The following STAU2 variants were observed in gnomAD, a reference collection of about 807,000 sequenced individuals.
STAU2 encodes double-stranded RNA-binding protein Staufen homolog 2.
STAU2 carries 20 observed loss-of-function variants against 65.9 expected under a neutral mutation model. The ratio of observed to expected loss-of-function variants is 0.30; its 90% CI spans 0.21 to 0.44. The LOEUF (loss-of-function observed/expected upper bound fraction) is 0.44, where lower values mean the gene tolerates loss of function less well. Ranked by LOEUF, STAU2 falls within the 20% of genes least tolerant of loss-of-function variation. STAU2 has a pLI of 1.00. For missense variants in STAU2, 558 were observed against 683.9 expected (o/e 0.82, Z 2.05); for synonymous variants, 232 against 233.9 (o/e 0.99, Z 0.07).
chr8:73,452,071 G>C (rs1176728050), intron 13 of STAU2, among the ~76,000 whole-genome samples: 2 of 152,190 alleles, frequency 1.3e-5, no homozygotes, highest in Non-Finnish European at 2.9e-5. Context: ...CCAGGACCAG[G>C]GCAGACACGG....
rs569948308 is a variant in STAU2, at chr8:73,507,776, T to C, written c.1530+44236A>G. On this transcript the variant is annotated intron_variant, in intron 13 of 14. Transcript: ENST00000524300. ...CCACTGAAAACCTGTTTAGTGTAAC[T>C]ACAGTCTTCAATGATCTTAGCCAGA... Among the ~76,000 whole-genome samples the C allele has an allele frequency of 3.7e-4, 57 of 152,338 alleles. 1 individual carries two copies. The highest frequency in any genetic ancestry group is 6.8e-3 in the Middle Eastern group (2 of 294).
At chr8:73,644,634 A>G (rs1242412275) in intron 6 of STAU2, among the ~76,000 whole-genome samples, 1 of 152,194 alleles carries the variant, frequency 6.6e-6, no homozygotes, top group African/African-American at 2.4e-5. Flanking sequence ...GAAAAAAACT[A>G]TACATAAAAG....
At position 73,728,527 on chromosome 8, in the gene STAU2, T is replaced by C. The variant is rs552069045; in HGVS notation, c.-18+9757A>G. ...ATTGCATTGAATCTGGAGATTGCTT[T>C]GGACAGTATTGCCATCCTAACGGCA... On this transcript the variant is annotated intron_variant, in intron 3 of 14. Coordinates refer to ENST00000524300, the MANE Select transcript of STAU2 (RefSeq NM_001164380.2). Among the ~76,000 whole-genome samples, 28 of 152,170 alleles carry C rather than the reference T, an allele frequency of 1.8e-4. No individual in the cohort carries two copies. The East Asian group carries it at 5.2e-3, about 28-fold the overall frequency.
chr8:73,516,187 A>G (rs4738380), intron 13 of STAU2, among the ~76,000 whole-genome samples: 133,649 of 151,886 alleles, frequency 0.88, 59,392 homozygotes, highest in Middle Eastern at 0.94. Flanking sequence ...CAGTCTGCCC[A>G]CCTTGGCCTC....
intron 13 of STAU2, among the ~76,000 whole-genome samples, chr8:73,520,506 C>T (rs79601955): frequency 7.9e-5 from 12 of 152,160 alleles, no homozygotes; most frequent in Admixed American, 2.6e-4. Flanking sequence ...GTAGTCCTTG[C>T]GGTTGATTCC....
intron 13 of STAU2, among the ~76,000 whole-genome samples, chr8:73,432,204 T>C (rs1002964307): frequency 4.6e-5 from 7 of 152,248 alleles, no homozygotes; most frequent in African/African-American, 1.7e-4. Flanking sequence ...GAAAAGCTTG[T>C]TCATGTTGAA....
At chr8:73,625,636 T>A (rs1813581920) in intron 6 of STAU2, among the ~76,000 whole-genome samples, 1 of 152,240 alleles carries the variant, frequency 6.6e-6, no homozygotes, top group African/African-American at 2.4e-5. Context: ...CGGTGATGGC[T>A]GTACAACACT....
At chr8:73,691,299 A>G (rs372107935) in intron 4 of STAU2, among the ~76,000 whole-genome samples, 50 of 152,334 alleles carry the variant, frequency 3.3e-4, no homozygotes, top group African/African-American at 1.2e-3. Context: ...TTCAAACCTC[A>G]TTAGTTTCGT....
At chr8:73,545,820 TG>T (rs1254448653) in intron 13 of STAU2, among the ~76,000 whole-genome samples, 1 of 140,712 alleles carries the variant, frequency 7.1e-6, no homozygotes, top group Non-Finnish European at 1.6e-5. Context: ...GCTAATTTTT[TG>T]TATTTTTAGT....
intron 13 of STAU2, among the ~76,000 whole-genome samples, chr8:73,543,453 T>C (rs80241523): frequency 0.041 from 6,175 of 152,342 alleles, 408 homozygotes; most frequent in African/African-American, 0.14. Context: ...AGTGTAGTTA[T>C]CTCTGACACA....
chr8:73,598,225 AC>A (rs889462133), intron 10 of STAU2, among the ~76,000 whole-genome samples: 10 of 143,202 alleles, frequency 7.0e-5, no homozygotes, highest in South Asian at 2.2e-4. Context: ...AAAGAAGAAA[AC>A]TTTTTTTTTT....
rs1041826717 is a variant in STAU2 at position 73,704,803 on chromosome 8, G to C, written c.114+4229C>G. Reference sequence around the variant, plus strand: ...CCTGCCTCAGCCTCCCGAGCAGCTGGGACTAAAGGCTCGTGCCACCACGCC... The same window carrying C: ...CCTGCCTCAGCCTCCCGAGCAGCTGCGACTAAAGGCTCGTGCCACCACGCC... On this transcript the variant is annotated intron_variant, in intron 4 of 14. Coordinates refer to ENST00000524300, the MANE Select transcript of STAU2 (RefSeq NM_001164380.2). 4.6e-5 allele frequency among the ~76,000 whole-genome samples: 7 copies of C among 152,230 alleles called. No individual in the cohort carries two copies. The East Asian group carries it at 7.7e-4, about 17-fold the overall frequency.
At chr8:73,539,657 A>G (rs1197922738) in intron 13 of STAU2, among the ~76,000 whole-genome samples, 1 of 152,094 alleles carries the variant, frequency 6.6e-6, no homozygotes, top group Non-Finnish European at 1.5e-5. Context: ...AGCCTGACCA[A>G]TATGGTGAAA....
intron 3 of STAU2, among the ~76,000 whole-genome samples, chr8:73,721,116 C>CAAAAAAA (rs1159562570): frequency 2.3e-5 from 1 of 43,674 alleles, no homozygotes; most frequent in Non-Finnish European, 4.9e-5. Flanking sequence ...CCCAACACTA[C>CAAAAAAA]AAAAAAAAAA....
At chr8:73,679,650 G>C (rs1210129605) in intron 5 of STAU2, among the ~76,000 whole-genome samples, 1 of 147,330 alleles carries the variant, frequency 6.8e-6, no homozygotes, top group African/African-American at 2.6e-5. Context: ...GGGAGGCCAA[G>C]GTGAGTGGAT....
At chr8:73,741,247 G>A (rs1210743216) in intron 1 of STAU2, among the ~76,000 whole-genome samples, 1 of 146,352 alleles carries the variant, frequency 6.8e-6, no homozygotes, top group East Asian at 2.1e-4. Context: ...GGAGCTTGCA[G>A]TGAGCCAAGA....
intron 13 of STAU2, among the ~76,000 whole-genome samples, chr8:73,486,075 G>A (rs144559254): frequency 6.6e-6 from 1 of 152,072 alleles, no homozygotes; most frequent in Non-Finnish European, 1.5e-5. Context: ...ACAACATAGA[G>A]GCCAGACCTC....
At chr8:73,549,549 T>C in intron 13 of STAU2, 3 of 825,314 alleles carry the variant, frequency 3.6e-6, no homozygotes, top group Non-Finnish European at 4.4e-6. Context: ...TTGTAATTTA[T>C]AAATTCAAAT....
At chr8:73,736,371 G>A (rs1227341543) in intron 3 of STAU2, among the ~76,000 whole-genome samples, 1 of 152,168 alleles carries the variant, frequency 6.6e-6, no homozygotes, top group Non-Finnish European at 1.5e-5. Flanking sequence ...GGAAATATAA[G>A]AGTAAACAAG....
Sources: gnomAD v4.1 joint callset for allele counts (sites outside exome capture counted in the v4.1 genomes callset) on GRCh38, gnomAD v4.1.1 for gene constraint, MANE v1.5 for transcripts, NCBI Gene and HGNC (gene_info 2026-07-23, HGNC 2026-07-21) for gene names.